Variants in METTL16 observed in about 807,000 individuals in gnomAD.
The protein encoded by METTL16 is RNA N(6)-adenosine-methyltransferase METTL16.
A neutral mutation model predicts 57.9 loss-of-function variants in METTL16; 19 were observed. The ratio of observed to expected loss-of-function variants is 0.33; its 90% CI spans 0.23 to 0.48. METTL16 has a LOEUF of 0.48. METTL16 is among the 20% of genes least tolerant of loss of function. METTL16 has a pLI of 0.99. For missense variants in METTL16, 434 were observed against 691.5 expected (o/e 0.63, Z 4.18); for synonymous variants, 246 against 255.6 (o/e 0.96, Z 0.36).
At chr17:2,469,000 C>T (rs1379107634) in intron 4 of METTL16, among the ~76,000 whole-genome samples, 1 of 151,392 alleles carries the variant, frequency 6.6e-6, no homozygotes, top group Non-Finnish European at 1.5e-5. Context: ...TTCGGGAGGC[C>T]GAGGCAGGTG....
At chr17:2,432,685 G>A (rs2066882193) in intron 8 of METTL16, among the ~76,000 whole-genome samples, 1 of 152,168 alleles carries the variant, frequency 6.6e-6, no homozygotes, top group Non-Finnish European at 1.5e-5. Flanking sequence ...ATGGGTTAAT[G>A]GTCAGAGGAG....
At chr17:2,458,384 C>A (rs1178074121) in intron 6 of METTL16, among the ~76,000 whole-genome samples, 2 of 149,702 alleles carry the variant, frequency 1.3e-5, no homozygotes, top group Non-Finnish European at 1.5e-5. Flanking sequence ...CCAAAACATA[C>A]AAAATTATGG....
intron 2 of METTL16, among the ~76,000 whole-genome samples, chr17:2,491,719 CA>C (rs1233912094): frequency 1.3e-5 from 2 of 149,516 alleles, no homozygotes; most frequent in South Asian, 2.1e-4. Flanking sequence ...ATTAAAAATA[CA>C]AAAAATTAGC....
intron 4 of METTL16, among the ~76,000 whole-genome samples, chr17:2,471,924 G>A (rs575921350): frequency 2.6e-3 from 392 of 152,100 alleles, no homozygotes; most frequent in Middle Eastern, 6.8e-3. Context: ...GACCAGCCTG[G>A]GCAACATGGT....
At chr17:2,491,289 G>A (rs1404744191) in intron 2 of METTL16, among the ~76,000 whole-genome samples, 1 of 152,142 alleles carries the variant, frequency 6.6e-6, no homozygotes, top group African/African-American at 2.4e-5. Context: ...ATAGCCTATT[G>A]TCAACAGGCT....
rs1555613846 is a variant in METTL16, at chr17:2,418,150, T to TTG, written c.*1818_*1819dup. 6.6e-6 allele frequency: 1 copy of TTG among 151,162 alleles called. No individual in the cohort carries two copies. The highest frequency in any genetic ancestry group is 2.4e-5 in the African/African-American group (1 of 41,116). The allele number at this position is 151,162 out of a possible 1,614,324, so 9.4% of individuals were successfully genotyped here. ...AATCCTTAGTGGGTTATTGACCCCT[T>TTG]TGTCTGTGTCTGAGGGTTCTGGGAA... On this transcript the variant is annotated 3_prime_UTR_variant, in exon 10 of 10. Transcript: ENST00000263092.
chr17:2,422,487 C>T (rs1015597740), intron 8 of METTL16, among the ~76,000 whole-genome samples: 33 of 152,068 alleles, frequency 2.2e-4, no homozygotes, highest in African/African-American at 7.5e-4. Context: ...TCAAGCGATT[C>T]TCCTGCCTCA....
At chr17:2,425,370 C>T (rs986516993) in intron 8 of METTL16, among the ~76,000 whole-genome samples, 1 of 152,200 alleles carries the variant, frequency 6.6e-6, no homozygotes, top group Non-Finnish European at 1.5e-5. Flanking sequence ...CAAAACCAAT[C>T]ATTTACAATG....
At chr17:2,426,955 T>G in intron 8 of METTL16, among the ~76,000 whole-genome samples, 1 of 144,550 alleles carries the variant, frequency 6.9e-6, no homozygotes, top group African/African-American at 2.6e-5. Context: ...GCCAACATGG[T>G]GAAACCCCAT....
chr17:2,464,348 T>C lies in METTL16; in HGVS notation c.588A>G (p.Gly196=). ...PFFANQLEAK[G]VNSRNPRRPP... ...GTCTTCGAGGATTTCGTGAGTTTACTCCCTGAAAAACAACAAAAAACCCTG... is the reference window on the plus strand; with the variant it reads ...GTCTTCGAGGATTTCGTGAGTTTACCCCCTGAAAAACAACAAAAAACCCTG... The change falls in exon 6 of 10, where the codon GGA becomes GGG. Residue 196 remains glycine (G), a splice_region_variant and synonymous_variant. Coordinates refer to ENST00000263092, the MANE Select transcript of METTL16 (RefSeq NM_024086.4). 1 of 1,592,268 alleles carries C rather than the reference T, an allele frequency of 6.3e-7. No individual in the cohort carries two copies. Among genetic ancestry groups the C allele is most frequent in the Non-Finnish European group, 8.5e-7 (1 of 1,173,926 alleles).
At chr17:2,497,920 C>G (rs562246630) in intron 2 of METTL16, among the ~76,000 whole-genome samples, 1 of 151,702 alleles carries the variant, frequency 6.6e-6, no homozygotes, top group Non-Finnish European at 1.5e-5. Flanking sequence ...TTAGGCCCGG[C>G]GCGGTGGCTC....
At chr17:2,483,623 A>C (rs1196149613) in intron 2 of METTL16, among the ~76,000 whole-genome samples, 1 of 152,214 alleles carries the variant, frequency 6.6e-6, no homozygotes, top group Non-Finnish European at 1.5e-5. Flanking sequence ...TTTACTCAAT[A>C]GCACGCAATG....
rs564462247 is a variant in METTL16, at chr17:2,486,012, A to AG, written c.129-8128dup. On this transcript the variant is annotated intron_variant, in intron 2 of 9. Coordinates refer to ENST00000263092, the MANE Select transcript of METTL16 (RefSeq NM_024086.4). ...CGAAGGGAAGGGAACGTGGCATTCT[A>AG]GGGTCCTAGGTAAAGCAAACCGCAA... 8.7e-3 allele frequency among the ~76,000 whole-genome samples: 1,318 copies of AG among 152,304 alleles called. 11 individuals carry two copies. Among genetic ancestry groups the AG allele is most frequent in the South Asian group, 0.029 (139 of 4,822 alleles).
chr17:2,477,634 T>G, intron 3 of METTL16, 52 bp downstream of exon 3: 1 of 1,362,602 alleles, frequency 7.3e-7, no homozygotes, highest in African/African-American at 1.4e-5. Flanking sequence ...GAATTTGATC[T>G]CGCAAAACTT....
intron 6 of METTL16, among the ~76,000 whole-genome samples, chr17:2,447,764 G>GC (rs1278444080): frequency 1.6e-5 from 2 of 126,546 alleles, no homozygotes; most frequent in African/African-American, 3.2e-5. Flanking sequence ...GGGGGGATCA[G>GC]CCCCCCGCCC....
At chr17:2,445,540 C>A (rs1263823526) in intron 6 of METTL16, among the ~76,000 whole-genome samples, 1 of 152,120 alleles carries the variant, frequency 6.6e-6, no homozygotes, top group Non-Finnish European at 1.5e-5. Flanking sequence ...AATCCCAGCA[C>A]TTTGGGAGGC....
At chr17:2,488,815 G>A (rs1053020110) in intron 2 of METTL16, among the ~76,000 whole-genome samples, 1 of 152,116 alleles carries the variant, frequency 6.6e-6, no homozygotes, top group Non-Finnish European at 1.5e-5. Context: ...GACATTCTAC[G>A]TTGCGTTTCT....
chr17:2,449,254 G>C (rs1192739552), intron 6 of METTL16, among the ~76,000 whole-genome samples: 1 of 152,030 alleles, frequency 6.6e-6, no homozygotes, highest in Non-Finnish European at 1.5e-5. Context: ...TATTGTTAAG[G>C]TATCAATTCT....
chr17:2,464,390 C>A (rs954909459), intron 5 of METTL16, 40 bp from the exon 6 acceptor site: 5 of 1,536,264 alleles, frequency 3.3e-6, no homozygotes, highest in African/African-American at 1.4e-5. Context: ...AATGTGTACA[C>A]CCCAAGAACC....
Sources: gnomAD v4.1 joint callset for allele counts (sites outside exome capture counted in the v4.1 genomes callset) on GRCh38, gnomAD v4.1.1 for gene constraint, MANE v1.5 for transcripts, NCBI Gene and HGNC (gene_info 2026-07-23, HGNC 2026-07-21) for gene names.